The following C1orf21 variants were observed in gnomAD, a reference collection of about 807,000 sequenced individuals.
C1orf21 encodes the protein chromosome 1 open reading frame 21, also known as uncharacterized protein C1orf21.
Under a neutral mutation model 18.7 loss-of-function variants are expected in C1orf21, and 3 were observed. That is an observed-to-expected ratio of 0.16 (90% CI 0.07 to 0.42). C1orf21 has a LOEUF of 0.42. C1orf21 is among the 10% of genes least tolerant of loss of function. The pLI is 0.99. For synonymous variants in C1orf21, 41 were observed against 46.4 expected (o/e 0.88, Z 0.47); for missense variants, 104 against 143.6 (o/e 0.72, Z 1.41).
chr1:184,442,759 C>T (rs1335837475), intron 1 of C1orf21, among the ~76,000 whole-genome samples: 2 of 152,138 alleles, frequency 1.3e-5, no homozygotes, highest in African/African-American at 2.4e-5. Flanking sequence ...TTATCTCCAT[C>T]TTCCTGGATA....
intron 1 of C1orf21, among the ~76,000 whole-genome samples, chr1:184,442,395 G>A (rs1170167424): frequency 2.6e-5 from 4 of 152,104 alleles, no homozygotes; most frequent in Non-Finnish European, 4.4e-5. Context: ...GCACAATGCG[G>A]ATAATATTTA....
Position 184,491,154 on chromosome 1 carries a change from A to G in C1orf21, c.94+13551A>G, listed in dbSNP as rs116815125. On this transcript the variant is annotated intron_variant, in intron 2 of 5. Transcript: ENST00000235307. ...CACAAAAAGTGCTGTATAAATAATCAGTGAACTTTATTTAGAAAGTTCTCT... is the reference window on the plus strand; with the variant it reads ...CACAAAAAGTGCTGTATAAATAATCGGTGAACTTTATTTAGAAAGTTCTCT... Among the ~76,000 whole-genome samples, 1,118 of 152,302 alleles carry G rather than the reference A, an allele frequency of 7.3e-3. 11 individuals are homozygous for G. The highest frequency in any genetic ancestry group is 0.026 in the African/African-American group (1,062 of 41,558).
rs1390866607 is a variant in C1orf21 at position 184,622,488 on chromosome 1, G to C, written c.*2932G>C. On this transcript the variant is annotated 3_prime_UTR_variant, in exon 6 of 6. Transcript: ENST00000235307. ...GTTGGCAGAGATTCAGGATCATGGA[G>C]TACTGCTCTCATAATTGAAGACGTG... 4 of 152,772 alleles carry C rather than the reference G, an allele frequency of 2.6e-5. No individual in the cohort carries two copies. Among genetic ancestry groups the C allele is most frequent in the African/African-American group, 9.6e-5 (4 of 41,472 alleles). 9.5% of individuals were successfully genotyped at this position (152,772 alleles called of 1,614,324 possible).
At chr1:184,501,714 T>C (rs66916459) in intron 2 of C1orf21, among the ~76,000 whole-genome samples, 12,692 of 152,254 alleles carry the variant, frequency 0.083, 670 homozygotes, top group African/African-American at 0.14. Context: ...TAGCAGGGGA[T>C]AGTGCCCAGC....
At chr1:184,519,781 A>G (rs929160437) in intron 3 of C1orf21, among the ~76,000 whole-genome samples, 1 of 152,162 alleles carries the variant, frequency 6.6e-6, no homozygotes, top group Non-Finnish European at 1.5e-5. Context: ...ATCAAAAGCA[A>G]CCATTATGTT....
chr1:184,557,399 C>T (rs781225534), intron 3 of C1orf21, among the ~76,000 whole-genome samples: 2 of 152,100 alleles, frequency 1.3e-5, no homozygotes, highest in Non-Finnish European at 2.9e-5. Context: ...TTCCTCGCCC[C>T]ACTCCCACCC....
At chr1:184,393,962 T>C (rs1411392251) in intron 1 of C1orf21, among the ~76,000 whole-genome samples, 1 of 152,228 alleles carries the variant, frequency 6.6e-6, no homozygotes, top group African/African-American at 2.4e-5. Context: ...GACACATTTA[T>C]GCCAAGTGAA....
intron 4 of C1orf21, among the ~76,000 whole-genome samples, 162 bp downstream of exon 4, chr1:184,590,977 T>C (rs184564355): frequency 5.7e-4 from 87 of 152,280 alleles, no homozygotes; most frequent in African/African-American, 2.0e-3. Flanking sequence ...AAGTACTATG[T>C]TGAATTCATG....
intron 1 of C1orf21, among the ~76,000 whole-genome samples, chr1:184,402,576 C>T (rs1384479451): frequency 2.7e-5 from 4 of 149,800 alleles, no homozygotes; most frequent in Non-Finnish European, 4.4e-5. Flanking sequence ...GTGATTGTGC[C>T]ACTGCACTCC....
At chr1:184,541,881 A>C (rs1658657306) in intron 3 of C1orf21, among the ~76,000 whole-genome samples, 1 of 152,160 alleles carries the variant, frequency 6.6e-6, no homozygotes, top group Non-Finnish European at 1.5e-5. Context: ...TGGGAAGGTG[A>C]CAGGATTCAG....
intron 1 of C1orf21, among the ~76,000 whole-genome samples, chr1:184,414,423 C>T (rs984326816): frequency 4.6e-5 from 7 of 152,128 alleles, no homozygotes; most frequent in African/African-American, 1.2e-4. Flanking sequence ...TCACTATGCT[C>T]GGCCGGATTT....
At chr1:184,610,135 C>A (rs2102007856) in intron 5 of C1orf21, among the ~76,000 whole-genome samples, 1 of 152,142 alleles carries the variant, frequency 6.6e-6, no homozygotes. Context: ...GCCTGCGAGA[C>A]AAAAATGGTT....
chr1:184,526,490 A>G (rs1557994282), intron 3 of C1orf21, among the ~76,000 whole-genome samples: 1 of 152,146 alleles, frequency 6.6e-6, no homozygotes, highest in East Asian at 1.9e-4. Flanking sequence ...CTTGGGTAGA[A>G]CTTGGCAGGT....
intron 3 of C1orf21, among the ~76,000 whole-genome samples, chr1:184,517,830 A>T (rs1425447813): frequency 1.3e-5 from 2 of 152,178 alleles, no homozygotes; most frequent in Admixed American, 1.3e-4. Flanking sequence ...CATCAGATTC[A>T]TCCCCAAAGA....
chr1:184,566,608 C>T, intron 3 of C1orf21: 1 of 376,696 alleles, frequency 2.7e-6, no homozygotes, highest in Non-Finnish European at 5.1e-6. Flanking sequence ...CCCTGGTGTG[C>T]CATAAAACCA....
At chr1:184,393,177 G>C (rs1187111596) in intron 1 of C1orf21, among the ~76,000 whole-genome samples, 1 of 152,090 alleles carries the variant, frequency 6.6e-6, no homozygotes, top group Non-Finnish European at 1.5e-5. Context: ...TTTATTGTCT[G>C]AATGTGTCTG....
chr1:184,428,302 A>G (rs1445690477), intron 1 of C1orf21, among the ~76,000 whole-genome samples: 3 of 152,246 alleles, frequency 2.0e-5, no homozygotes, highest in African/African-American at 7.2e-5. Flanking sequence ...CTTTACAGGT[A>G]AACAAATGTG....
intron 3 of C1orf21, among the ~76,000 whole-genome samples, chr1:184,520,540 C>G (rs1658292202): frequency 6.6e-6 from 1 of 152,190 alleles, no homozygotes; most frequent in Admixed American, 6.5e-5. Context: ...ACAAAGAGAA[C>G]AGAGAATCTC....
intron 3 of C1orf21, among the ~76,000 whole-genome samples, chr1:184,559,542 CCTTCCTTCCTTCCTCT>C (rs1658928755): frequency 7.3e-6 from 1 of 136,264 alleles, no homozygotes; most frequent in Admixed American, 7.2e-5. Flanking sequence ...TTCCTTCCTT[CCTTCCTTCCTTCCTCT>C]CTCTTTCTTC....
Sources: gnomAD v4.1 joint callset for allele counts (sites outside exome capture counted in the v4.1 genomes callset) on GRCh38, gnomAD v4.1.1 for gene constraint, MANE v1.5 for transcripts, NCBI Gene and HGNC (gene_info 2026-07-23, HGNC 2026-07-21) for gene names.